Variants in PSD3 observed in about 807,000 individuals in gnomAD.
The protein encoded by PSD3 is pleckstrin and Sec7 domain containing 3.
Under a neutral mutation model 105.5 loss-of-function variants are expected in PSD3, and 49 were observed. The ratio of observed to expected loss-of-function variants is 0.46; its 90% CI spans 0.37 to 0.59. The LOEUF is 0.59. Ranked by LOEUF, PSD3 falls within the 20% of genes least tolerant of loss-of-function variation. PSD3 has a pLI of 0.00. For missense variants in PSD3, 1,561 were observed against 1,263.8 expected, an observed-to-expected ratio of 1.24 and a Z score of -3.57; for synonymous variants, 557 against 457.8, an observed-to-expected ratio of 1.22 and a Z score of -2.77.
chr8:18,536,023 CT>C, intron 15 of PSD3, 65 bp from the exon 16 acceptor site: 1 of 1,454,320 alleles, frequency 6.9e-7, no homozygotes, highest in Non-Finnish European at 9.6e-7. Context: ...GTGCAGCACA[CT>C]TGTGTATTAC....
intron 10 of PSD3, among the ~76,000 whole-genome samples, chr8:18,643,496 T>C (rs1807803114): frequency 6.6e-6 from 1 of 152,170 alleles, no homozygotes; most frequent in South Asian, 2.1e-4. Flanking sequence ...TTAGGCAAAT[T>C]TCCCACCAGC....
chr8:18,831,934 A>C (rs1813713697), intron 4 of PSD3, among the ~76,000 whole-genome samples: 1 of 152,192 alleles, frequency 6.6e-6, no homozygotes, highest in African/African-American at 2.4e-5. Context: ...AAGAAAGGTA[A>C]GTTTACTATA....
chr8:19,057,863 T>A (rs905215797), intron 1 of PSD3, among the ~76,000 whole-genome samples: 2 of 152,186 alleles, frequency 1.3e-5, no homozygotes, highest in Non-Finnish European at 2.9e-5. Context: ...ACAGGGCCAC[T>A]CTAGAAAACA....
intron 1 of PSD3, among the ~76,000 whole-genome samples, chr8:19,012,771 C>A (rs1484436554): frequency 6.6e-6 from 1 of 152,120 alleles, no homozygotes; most frequent in Non-Finnish European, 1.5e-5. Context: ...TTTTCCAGAT[C>A]TCCGTCTTCC....
chr8:18,970,771 A>G (rs1824599363), intron 1 of PSD3, among the ~76,000 whole-genome samples: 1 of 152,096 alleles, frequency 6.6e-6, no homozygotes, highest in Non-Finnish European at 1.5e-5. Context: ...CCTGACCAAC[A>G]TGGTGAAACC....
At chr8:18,625,203 C>CACAG (rs1168221247) in intron 11 of PSD3, among the ~76,000 whole-genome samples, 2 of 151,904 alleles carry the variant, frequency 1.3e-5, no homozygotes, top group African/African-American at 4.8e-5. Context: ...CACACACACA[C>CACAG]ACACACACAC....
At chr8:18,577,051 G>A (rs183258157) in intron 12 of PSD3, among the ~76,000 whole-genome samples, 261 of 151,922 alleles carry the variant, frequency 1.7e-3, no homozygotes, top group African/African-American at 5.3e-3. Context: ...AAGAATTTAA[G>A]GTTACAATTT....
chr8:18,623,940 A>G (rs1421470161), intron 11 of PSD3, among the ~76,000 whole-genome samples: 1 of 152,130 alleles, frequency 6.6e-6, no homozygotes, highest in Non-Finnish European at 1.5e-5. Flanking sequence ...TTCATTCAAC[A>G]TTACCACTGG....
intron 1 of PSD3, among the ~76,000 whole-genome samples, chr8:19,006,867 A>G (rs916711766): frequency 2.6e-5 from 4 of 152,076 alleles, no homozygotes; most frequent in Non-Finnish European, 5.9e-5. Flanking sequence ...TAGCTTTGAT[A>G]TATAGCACTG....
intron 9 of PSD3, among the ~76,000 whole-genome samples, chr8:18,710,303 TGAG>T (rs1802174574): frequency 6.6e-6 from 1 of 151,668 alleles, no homozygotes; most frequent in Non-Finnish European, 1.5e-5. Flanking sequence ...GGAAAAAAAA[TGAG>T]AAGGAATGAA....
chr8:18,824,150 G>A (rs1812984292), intron 4 of PSD3, among the ~76,000 whole-genome samples: 1 of 152,190 alleles, frequency 6.6e-6, no homozygotes, highest in African/African-American at 2.4e-5. Context: ...TCTAGCCTGG[G>A]TGACAGACAT....
chr8:18,838,629 A>G (rs1213992406), intron 4 of PSD3, among the ~76,000 whole-genome samples: 4 of 151,788 alleles, frequency 2.6e-5, no homozygotes, highest in Admixed American at 1.3e-4. Flanking sequence ...GTGAAACCCC[A>G]TCTCTACTAA....
chr8:18,986,576 T>A (rs1400457838), intron 1 of PSD3, among the ~76,000 whole-genome samples: 1 of 151,470 alleles, frequency 6.6e-6, no homozygotes, highest in African/African-American at 2.4e-5. Flanking sequence ...AAAAAAAAAG[T>A]TCAATGTTTG....
chr8:18,705,561 T>G (rs1268466674), intron 9 of PSD3, among the ~76,000 whole-genome samples: 2 of 143,426 alleles, frequency 1.4e-5, no homozygotes, highest in Admixed American at 1.4e-4. Flanking sequence ...AAAAAAAAAT[T>G]CGTTAAATAA....
chr8:18,925,418 CAT>C (rs1191302852), intron 2 of PSD3, among the ~76,000 whole-genome samples: 1 of 151,886 alleles, frequency 6.6e-6, no homozygotes, highest in Admixed American at 6.6e-5. Flanking sequence ...CACACACACA[CAT>C]ATACATATAA....
chr8:18,681,446 CAA>C (rs528679351), intron 9 of PSD3, among the ~76,000 whole-genome samples: 3,425 of 62,240 alleles, frequency 0.055, 130 homozygotes, highest in African/African-American at 0.15. Flanking sequence ...GTTTCTGTTT[CAA>C]AAAAAAAAAA....
chr8:18,725,340 T>C (rs2129428751), intron 9 of PSD3, among the ~76,000 whole-genome samples: 1 of 152,310 alleles, frequency 6.6e-6, no homozygotes, highest in Middle Eastern at 3.4e-3. Flanking sequence ...GGAGAAAATA[T>C]AAGTAGGATC....
intron 1 of PSD3, among the ~76,000 whole-genome samples, chr8:18,983,869 T>C (rs116476722): frequency 0.018 from 2,722 of 151,766 alleles, 96 homozygotes; most frequent in African/African-American, 0.063. Context: ...CTGGATATGG[T>C]GGCATGTGCT....
chr8:18,769,268 C>T (rs1807285755), intron 8 of PSD3, among the ~76,000 whole-genome samples: 1 of 152,146 alleles, frequency 6.6e-6, no homozygotes, highest in South Asian at 2.1e-4. Flanking sequence ...CTAATTTAGT[C>T]ATCAGTTAAT....
Sources: allele counts gnomAD v4.1 joint callset (sites outside exome capture counted in the v4.1 genomes callset), GRCh38; gene constraint gnomAD v4.1.1; transcripts MANE v1.5; gene names NCBI Gene and HGNC (gene_info 2026-07-23, HGNC 2026-07-21).